Variants in PISD observed in about 807,000 individuals in gnomAD.
PISD encodes the protein phosphatidylserine decarboxylase proenzyme, mitochondrial.
Under a neutral mutation model 43.5 loss-of-function variants are expected in PISD, and 31 were observed. That is an observed-to-expected ratio of 0.71 (90% CI 0.54 to 0.96). PISD has a LOEUF of 0.96. Ranked by LOEUF, PISD falls within the 40% of genes least tolerant of loss-of-function variation. The pLI is 0.00. For missense variants in PISD, 523 were observed against 548.4 expected (o/e 0.95, Z 0.46); for synonymous variants, 259 against 228.7 (o/e 1.13, Z -1.20).
chr22:31,658,239 C>A (rs971411224), intron 1 of PISD, among the ~76,000 whole-genome samples: 2 of 152,156 alleles, frequency 1.3e-5, no homozygotes, highest in Non-Finnish European at 2.9e-5. Flanking sequence ...GCAATTAAAG[C>A]CCACAATTGA....
intron 3 of PISD, among the ~76,000 whole-genome samples, chr22:31,631,610 C>T (rs1297477085): frequency 2.0e-5 from 3 of 152,196 alleles, no homozygotes; most frequent in Non-Finnish European, 4.4e-5. Flanking sequence ...ATCGGAGGGC[C>T]CTAGTCTGCG....
At chr22:31,642,380 G>C (rs556063425) in intron 3 of PISD, among the ~76,000 whole-genome samples, 1 of 151,178 alleles carries the variant, frequency 6.6e-6, no homozygotes, top group African/African-American at 2.5e-5. Flanking sequence ...GCTTAAACTC[G>C]GAAGGTTAAG....
chr22:31,626,107 C>T, intron 3 of PISD: 1 of 1,251,422 alleles, frequency 8.0e-7, no homozygotes. Flanking sequence ...GCACTAAAGC[C>T]CACTGTCCCC....
intron 6 of PISD, 59 bp from the exon 7 acceptor site, chr22:31,620,772 G>T: frequency 6.3e-7 from 1 of 1,595,146 alleles, no homozygotes; most frequent in Non-Finnish European, 8.6e-7. Context: ...CCACCCCATG[G>T]CAGCCAAGAC....
At chr22:31,645,900 A>G (rs2073874664) in intron 3 of PISD, among the ~76,000 whole-genome samples, 1 of 151,306 alleles carries the variant, frequency 6.6e-6, no homozygotes, top group Admixed American at 6.6e-5. Flanking sequence ...ATAAAATAAA[A>G]TAAATAAATT....
At chr22:31,649,507 G>A in intron 2 of PISD, among the ~76,000 whole-genome samples, 1 of 152,128 alleles carries the variant, frequency 6.6e-6, no homozygotes, top group East Asian at 1.9e-4. Context: ...GCCGAGGCAG[G>A]CGGATCACGA....
At chr22:31,646,834 C>T (rs2073899970) in intron 3 of PISD, among the ~76,000 whole-genome samples, 1 of 152,148 alleles carries the variant, frequency 6.6e-6, no homozygotes. Flanking sequence ...ACATAATTAC[C>T]CTTCACCAAA....
chr22:31,662,055 G>A (rs926694075), intron 1 of PISD, 89 bp downstream of exon 1: 3 of 1,255,558 alleles, frequency 2.4e-6, no homozygotes, highest in Non-Finnish European at 3.5e-6. Context: ...GCCTCAGAGC[G>A]AGCCCGCGAC....
intron 2 of PISD, 35 bp from the exon 3 acceptor site, chr22:31,648,311 A>G: frequency 6.5e-7 from 1 of 1,550,328 alleles, no homozygotes; most frequent in Non-Finnish European, 8.8e-7. Flanking sequence ...CAAGCCTGAG[A>G]GACAGGAATA....
At position 31,662,200 on chromosome 22, in the gene PISD, C is replaced by A. The variant is rs768256889; in HGVS notation, c.9G>T (p.Thr3=). MA[T]SVGHRCLGLL... is the part of the protein sequence containing the mutation. ...ATCCCAGACATCGGTGCCCCACGGA[C>A]GTCGCCATCTTGTCTGCTCCTTCTC... Residue 3 remains threonine, a synonymous_variant, in exon 1 of 8, where the codon ACG becomes ACT. Coordinates refer to ENST00000439502, the MANE Select transcript of PISD (RefSeq NM_001326411.2). The A allele has an allele frequency of 2.5e-6, 4 of 1,604,184 alleles. No homozygotes were observed. The African/African-American group carries it at 5.3e-5, about 21-fold the overall frequency.
At chr22:31,629,126 A>G in intron 3 of PISD, 1 of 985,160 alleles carries the variant, frequency 1.0e-6, no homozygotes, top group Non-Finnish European at 1.2e-6. Flanking sequence ...AGACCACAAC[A>G]CCTGCCCCCC....
intron 3 of PISD, among the ~76,000 whole-genome samples, chr22:31,645,102 C>T (rs1382960961): frequency 6.6e-6 from 1 of 151,280 alleles, no homozygotes; most frequent in African/African-American, 2.4e-5. Context: ...GCCTGGGTGA[C>T]AGAGTGAGAC....
At chr22:31,621,583 G>C (rs1340728121) in intron 4 of PISD, 66 bp downstream of exon 4, 2 of 1,584,778 alleles carry the variant, frequency 1.3e-6, no homozygotes, top group Non-Finnish European at 1.7e-6. Context: ...CTGGAGACCA[G>C]GGGGGCTGTG....
chr22:31,642,782 G>A (rs761999662), intron 3 of PISD, among the ~76,000 whole-genome samples: 18 of 131,980 alleles, frequency 1.4e-4, no homozygotes, highest in Non-Finnish European at 2.0e-4. Context: ...GAGACAGAGC[G>A]AGACTCAGTT....
rs141099128 is a variant in PISD at position 31,625,640 on chromosome 22, C to T, written c.322-3755G>A. 4.7e-3 allele frequency: 5,994 copies of T among 1,268,786 alleles called. 26 individuals carry two copies. The highest frequency in any genetic ancestry group is 5.9e-3 in the Non-Finnish European group (5,320 of 907,780). 78.6% of individuals were successfully genotyped at this position (1,268,786 alleles called of 1,614,324 possible). On this transcript the variant is annotated intron_variant, in intron 3 of 7. Transcript: ENST00000439502. ...CCCCCAGGCCAGGCTCCTCCAGCCT[C>T]GGGGGCTGACCACCAGTCCCCTTGC...
Position 31,621,783 on chromosome 22 carries a change from G to C in PISD, c.424C>G (p.Leu142Val). The C allele has an allele frequency of 6.2e-7, 1 of 1,614,010 alleles. No homozygotes were observed. The highest frequency in any genetic ancestry group is 1.1e-5 in the South Asian group (1 of 91,086). Residue 142 changes from leucine to valine, a missense_variant, in exon 4 of 8, where the codon CTG (leucine) becomes GTG (valine). Leu to Val is a conservative substitution (Grantham distance 32). Coordinates refer to ENST00000439502, the MANE Select transcript of PISD (RefSeq NM_001326411.2). ...TTCACCCCAAACGTCCAGATGTACA[G>C]GCTGTAGACGGGCCTGCGCAGCCAG... ...PHWLRRPVYS[L>V]YIWTFGVNMK...
In PISD at chr22:31,621,030, G is replaced by A. The variant is rs762934328; in HGVS notation, c.810C>T (p.Thr270=). The stretch of plus-strand genomic sequence containing the variant: ...GGCGCCGGTGGGACACAGTCCAGTC[G>A]GTGGGGGAGTGGAAGCAGTGGTAGT... ...PGDYHCFHSP[T]DWTVSHRRHF... is the part of the protein sequence containing the mutation. The change falls in exon 6 of 8, where the codon ACC becomes ACT. Residue 270 remains threonine (T), a synonymous_variant. Transcript: ENST00000439502. The A allele has an allele frequency of 1.3e-4, 216 of 1,613,870 alleles. 1 individual carries two copies. The highest frequency in any genetic ancestry group is 5.5e-4 in the South Asian group (50 of 91,086).
chr22:31,622,097 C>A (rs998378938), intron 3 of PISD, among the ~76,000 whole-genome samples: 5 of 152,264 alleles, frequency 3.3e-5, no homozygotes, highest in Admixed American at 3.3e-4. Flanking sequence ...GATTTACATA[C>A]AACTCCAGTG....
chr22:31,659,836 C>T (rs1183951724), intron 1 of PISD, among the ~76,000 whole-genome samples: 1 of 152,094 alleles, frequency 6.6e-6, no homozygotes, highest in Non-Finnish European at 1.5e-5. Flanking sequence ...CCCACCTTGG[C>T]CTCCCAAAGT....
Sources: allele counts gnomAD v4.1 joint callset (sites outside exome capture counted in the v4.1 genomes callset), GRCh38; gene constraint gnomAD v4.1.1; transcripts MANE v1.5; gene names NCBI Gene and HGNC (gene_info 2026-07-23, HGNC 2026-07-21).